The following JAZF1 variants were observed in gnomAD, a reference collection of about 807,000 sequenced individuals.
JAZF1 encodes the protein JAZF zinc finger 1, also known as juxtaposed with another zinc finger protein 1.
JAZF1 carries 8 observed loss-of-function variants against 26.4 expected under a neutral mutation model. The observed-to-expected ratio is 0.30, with a 90% CI of 0.18 to 0.55. The LOEUF is 0.55. Among genes scored for constraint, JAZF1 ranks in the 20% least tolerant of loss-of-function variants. The pLI is 0.94. For missense variants in JAZF1, 199 were observed against 322.0 expected, an observed-to-expected ratio of 0.62 and a Z score of 2.92; for synonymous variants, 126 against 122.3, an observed-to-expected ratio of 1.03 and a Z score of -0.20.
chr7:28,027,107 G>C (rs2128374119), intron 1 of JAZF1, among the ~76,000 whole-genome samples: 1 of 152,340 alleles, frequency 6.6e-6, no homozygotes, highest in Middle Eastern at 3.4e-3. Context: ...CTTGTCAGGA[G>C]GGGTGAGGCC....
intron 1 of JAZF1, among the ~76,000 whole-genome samples, chr7:28,043,309 G>T (rs780309578): frequency 3.3e-5 from 5 of 152,150 alleles, no homozygotes; most frequent in Non-Finnish European, 7.4e-5. Context: ...GCCAACTGTT[G>T]TGAGTCTGTT....
At chr7:28,037,973 G>T (rs1424352410) in intron 1 of JAZF1, among the ~76,000 whole-genome samples, 1 of 152,166 alleles carries the variant, frequency 6.6e-6, no homozygotes, top group African/African-American at 2.4e-5. Context: ...CTAGAAATGG[G>T]CAGAGAGATT....
chr7:28,137,314 G>A (rs1782901108), intron 1 of JAZF1, among the ~76,000 whole-genome samples: 1 of 152,182 alleles, frequency 6.6e-6, no homozygotes, highest in South Asian at 2.1e-4. Context: ...TGAAAAGTAA[G>A]GGGCAGGGGT....
chr7:27,874,696 C>G (rs1275125226), intron 3 of JAZF1, among the ~76,000 whole-genome samples: 2 of 117,490 alleles, frequency 1.7e-5, no homozygotes, highest in Non-Finnish European at 3.5e-5. Context: ...TGAATCAGGC[C>G]AACCACTGAA....
At chr7:27,858,198 A>G (rs944613366) in intron 3 of JAZF1, among the ~76,000 whole-genome samples, 1 of 152,240 alleles carries the variant, frequency 6.6e-6, no homozygotes, top group African/African-American at 2.4e-5. Flanking sequence ...CTCTTCAAGG[A>G]CAACTATAAA....
At chr7:28,178,715 A>G (rs1783585210) in intron 1 of JAZF1, among the ~76,000 whole-genome samples, 1 of 152,236 alleles carries the variant, frequency 6.6e-6, no homozygotes, top group South Asian at 2.1e-4. Flanking sequence ...CTATTCAATC[A>G]TGATATGAAT....
At chr7:28,154,753 C>G (rs1783154684) in intron 1 of JAZF1, among the ~76,000 whole-genome samples, 1 of 151,602 alleles carries the variant, frequency 6.6e-6, no homozygotes, top group Admixed American at 6.6e-5. Context: ...TACTTAATTT[C>G]TCAGTTTCAA....
At chr7:28,156,700 A>T (rs1783190841) in intron 1 of JAZF1, among the ~76,000 whole-genome samples, 1 of 152,228 alleles carries the variant, frequency 6.6e-6, no homozygotes. Flanking sequence ...CACAGTGTTG[A>T]GAATCTGCAC....
At chr7:28,004,267 A>G (rs1298484419) in intron 1 of JAZF1, among the ~76,000 whole-genome samples, 1 of 152,214 alleles carries the variant, frequency 6.6e-6, no homozygotes, top group African/African-American at 2.4e-5. Flanking sequence ...CCCATGCTAC[A>G]GGCTTAATAC....
intron 1 of JAZF1, among the ~76,000 whole-genome samples, chr7:28,073,651 G>C (rs912588272): frequency 1.3e-5 from 2 of 152,116 alleles, no homozygotes; most frequent in Admixed American, 6.5e-5. Context: ...CACAGGGAAC[G>C]TGCTTATTTA....
chr7:27,986,918 A>T (rs1396397999), intron 2 of JAZF1, among the ~76,000 whole-genome samples: 2 of 152,100 alleles, frequency 1.3e-5, no homozygotes, highest in Non-Finnish European at 2.9e-5. Context: ...GGGCCTCCCG[A>T]GGTGCCAGGA....
intron 1 of JAZF1, among the ~76,000 whole-genome samples, chr7:28,067,850 A>G (rs987159501): frequency 6.6e-6 from 1 of 152,094 alleles, no homozygotes; most frequent in Non-Finnish European, 1.5e-5. Context: ...CAGAACCTAG[A>G]CTTCAGCCTC....
intron 1 of JAZF1, among the ~76,000 whole-genome samples, chr7:28,164,614 C>A (rs1314715097): frequency 6.6e-6 from 1 of 152,172 alleles, no homozygotes; most frequent in African/African-American, 2.4e-5. Context: ...TAAAATACTA[C>A]CTTTCAGAAT....
intron 1 of JAZF1, among the ~76,000 whole-genome samples, chr7:28,012,649 AT>A (rs903105206): frequency 1.3e-5 from 2 of 152,150 alleles, no homozygotes; most frequent in Admixed American, 1.3e-4. Context: ...CAGAACTGGC[AT>A]TTCCAGTGGA....
intron 3 of JAZF1, among the ~76,000 whole-genome samples, chr7:27,858,018 CT>C (rs1008806679): frequency 2.6e-5 from 4 of 152,184 alleles, no homozygotes; most frequent in Non-Finnish European, 5.9e-5. Context: ...GGCCCAAAAT[CT>C]CCTTAAGCTG....
intron 1 of JAZF1, among the ~76,000 whole-genome samples, chr7:28,010,596 A>G (rs536625269): frequency 1.3e-5 from 2 of 152,318 alleles, no homozygotes; most frequent in East Asian, 3.9e-4. Context: ...CCACTATAAA[A>G]GTCACCTCCT....
rs188768833 is a variant in JAZF1 at position 28,061,178 on chromosome 7, C to T, written c.116-69197G>A. ...TTAGTGCAGTAAAGCACTTAGAATA[C>T]GGCTGGCCATAGCCAGCATTCAAAA... On this transcript the variant is annotated intron_variant, in intron 1 of 4. Transcript: ENST00000283928. Among the ~76,000 whole-genome samples the T allele has an allele frequency of 9.2e-5, 14 of 152,306 alleles. No individual in the cohort carries two copies. In the East Asian group the frequency reaches 9.6e-4, roughly 10 times the overall value.
At chr7:28,056,477 AT>A (rs1330826546) in intron 1 of JAZF1, among the ~76,000 whole-genome samples, 20 of 139,236 alleles carry the variant, frequency 1.4e-4, no homozygotes, top group African/African-American at 4.3e-4. Context: ...CACACACACA[AT>A]AAGAAAGAAA....
chr7:28,180,369 C>T lies in JAZF1; in HGVS notation c.115+94G>A, dbSNP rs1277422751. 2.9e-4 allele frequency: 276 copies of T among 936,858 alleles called. 2 individuals carry two copies. The South Asian group carries it at 3.8e-3, about 13-fold the overall frequency. 58.0% of individuals were successfully genotyped at this position (936,858 alleles called of 1,614,324 possible). On this transcript the variant is annotated intron_variant, in intron 1 of 4. Coordinates refer to ENST00000283928, the MANE Select transcript of JAZF1 (RefSeq NM_175061.4). ...GCGCCCTCCCCGCCCTGCCGCCTCCCTCCCCGCCGGCCACCCCTGGCCATT... is the reference window on the plus strand; with the variant it reads ...GCGCCCTCCCCGCCCTGCCGCCTCCTTCCCCGCCGGCCACCCCTGGCCATT...
Sources: gnomAD v4.1 joint callset for allele counts (sites outside exome capture counted in the v4.1 genomes callset) on GRCh38, gnomAD v4.1.1 for gene constraint, MANE v1.5 for transcripts, NCBI Gene and HGNC (gene_info 2026-07-23, HGNC 2026-07-21) for gene names.